Variants in PHACTR1 observed in about 807,000 individuals in gnomAD.
The protein encoded by PHACTR1 is phosphatase and actin regulator 1.
Under a neutral mutation model 69.2 loss-of-function variants are expected in PHACTR1, and 16 were observed. The observed-to-expected ratio is 0.23, with a 90% confidence interval of 0.16 to 0.35. PHACTR1 has a LOEUF of 0.35. Among genes scored for constraint, PHACTR1 ranks in the 10% least tolerant of loss-of-function variants. The pLI is 1.00. For missense variants in PHACTR1, 510 were observed against 734.7 expected (o/e 0.69, Z 3.54); for synonymous variants, 312 against 284.5 (o/e 1.10, Z -0.97).
At chr6:13,216,269 G>A (rs1232112138) in intron 8 of PHACTR1, among the ~76,000 whole-genome samples, 7 of 152,136 alleles carry the variant, frequency 4.6e-5, no homozygotes, top group African/African-American at 1.7e-4. Flanking sequence ...GTTGCCTCAA[G>A]GGTCACAGGA....
intron 3 of PHACTR1, among the ~76,000 whole-genome samples, chr6:12,741,955 C>T (rs901673275): frequency 2.6e-5 from 4 of 152,248 alleles, no homozygotes; most frequent in African/African-American, 9.6e-5. Context: ...TATAGTTTTT[C>T]ATGCAGAGGA....
intron 4 of PHACTR1, among the ~76,000 whole-genome samples, chr6:13,023,722 G>C (rs753470976): frequency 2.3e-4 from 35 of 152,302 alleles, no homozygotes; most frequent in Non-Finnish European, 3.8e-4. Context: ...AAAGAGTGCG[G>C]AACAAGTAAC....
chr6:12,899,463 CTTTAA>C (rs1488923429), intron 4 of PHACTR1, among the ~76,000 whole-genome samples: 1 of 152,140 alleles, frequency 6.6e-6, no homozygotes, highest in Non-Finnish European at 1.5e-5. Context: ...AATAGGGTTC[CTTTAA>C]TTTGTCTGAG....
At chr6:12,963,202 A>G (rs980984669) in intron 4 of PHACTR1, among the ~76,000 whole-genome samples, 1 of 152,232 alleles carries the variant, frequency 6.6e-6, no homozygotes, top group African/African-American at 2.4e-5. Flanking sequence ...CCAAATTAAC[A>G]GACTTGAAAA....
chr6:13,160,818 T>A (rs766461976), intron 6 of PHACTR1, among the ~76,000 whole-genome samples: 10 of 152,208 alleles, frequency 6.6e-5, no homozygotes, highest in Non-Finnish European at 1.2e-4. Context: ...ATTATGGTGC[T>A]TCAAATGCTC....
chr6:13,215,256 A>C (rs1767493403), intron 8 of PHACTR1, among the ~76,000 whole-genome samples: 1 of 152,244 alleles, frequency 6.6e-6, no homozygotes, highest in South Asian at 2.1e-4. Context: ...TGCAGGTTAG[A>C]ACCTGCTGGG....
At chr6:13,072,268 T>C (rs1583231017) in intron 5 of PHACTR1, among the ~76,000 whole-genome samples, 1 of 152,350 alleles carries the variant, frequency 6.6e-6, no homozygotes, top group East Asian at 1.9e-4. Context: ...ATACATTAAT[T>C]AAATGCCTTT....
At chr6:12,846,886 C>T (rs1338341132) in intron 4 of PHACTR1, among the ~76,000 whole-genome samples, 1 of 152,018 alleles carries the variant, frequency 6.6e-6, no homozygotes, top group Non-Finnish European at 1.5e-5. Context: ...CTCACTGCAG[C>T]TTCTGCCTCC....
chr6:12,930,060 T>C, intron 4 of PHACTR1, among the ~76,000 whole-genome samples: 1 of 151,640 alleles, frequency 6.6e-6, no homozygotes, highest in Admixed American at 6.6e-5. Flanking sequence ...TTTTTTTTTT[T>C]AGATGGGGAT....
At chr6:13,064,386 G>A (rs767635118) in intron 5 of PHACTR1, among the ~76,000 whole-genome samples, 6 of 151,504 alleles carry the variant, frequency 4.0e-5, no homozygotes, top group Admixed American at 1.3e-4. Flanking sequence ...GGAGATGCAC[G>A]AGGGGAGAAG....
intron 4 of PHACTR1, among the ~76,000 whole-genome samples, chr6:12,794,311 T>A (rs1772707024): frequency 6.6e-6 from 1 of 152,238 alleles, no homozygotes; most frequent in Non-Finnish European, 1.5e-5. Flanking sequence ...TGCTGAAGTG[T>A]TAAGGGTATC....
chr6:13,073,863 A>G (rs1459956861), intron 5 of PHACTR1, among the ~76,000 whole-genome samples: 1 of 148,448 alleles, frequency 6.7e-6, no homozygotes, highest in Admixed American at 6.7e-5. Context: ...TAGAGTTCAT[A>G]TTTTCTTTTT....
intron 8 of PHACTR1, among the ~76,000 whole-genome samples, chr6:13,213,732 G>A (rs1411264841): frequency 2.6e-5 from 4 of 152,180 alleles, no homozygotes; most frequent in Admixed American, 6.5e-5. Flanking sequence ...CCATGTGAGC[G>A]TGCCGCGTTT....
At chr6:12,952,726 T>C (rs1791439514) in intron 4 of PHACTR1, among the ~76,000 whole-genome samples, 1 of 151,680 alleles carries the variant, frequency 6.6e-6, no homozygotes, top group Non-Finnish European at 1.5e-5. Flanking sequence ...TTTGTGTAGA[T>C]ACCAAGGAAC....
chr6:12,764,451 G>T (rs911963983), intron 4 of PHACTR1, among the ~76,000 whole-genome samples: 1 of 152,014 alleles, frequency 6.6e-6, no homozygotes, highest in Non-Finnish European at 1.5e-5. Context: ...TTATCTTGTG[G>T]TTTTTCTTGG....
At chr6:12,857,742 A>T (rs1220484679) in intron 4 of PHACTR1, among the ~76,000 whole-genome samples, 4 of 152,180 alleles carry the variant, frequency 2.6e-5, no homozygotes, top group Non-Finnish European at 5.9e-5. Flanking sequence ...AAAGCCTTGG[A>T]CTGTACTTTT....
intron 6 of PHACTR1, among the ~76,000 whole-genome samples, chr6:13,164,790 T>C (rs1759547777): frequency 6.6e-6 from 1 of 152,180 alleles, no homozygotes; most frequent in Admixed American, 6.5e-5. Flanking sequence ...ATTCTTTCCA[T>C]TTTCCTTCAT....
chr6:12,775,027 G>A (rs988412609), intron 4 of PHACTR1, among the ~76,000 whole-genome samples: 3 of 152,180 alleles, frequency 2.0e-5, no homozygotes, highest in Non-Finnish European at 4.4e-5. Context: ...GGATGAGGGT[G>A]TCGGGCAGGA....
chr6:13,262,961 A>C (rs1281183678), intron 10 of PHACTR1, among the ~76,000 whole-genome samples: 2 of 152,232 alleles, frequency 1.3e-5, no homozygotes, highest in African/African-American at 2.4e-5. Flanking sequence ...TCAAAACAAT[A>C]AGCAGTTGTA....
Sources: gnomAD v4.1 joint callset for allele counts (sites outside exome capture counted in the v4.1 genomes callset) on GRCh38, gnomAD v4.1.1 for gene constraint, MANE v1.5 for transcripts, NCBI Gene and HGNC (gene_info 2026-07-23, HGNC 2026-07-21) for gene names.